REDIC1: variants seen among roughly 807,000 people sequenced by gnomAD.
The protein encoded by REDIC1 is regulator of DNA class I crossover intermediates 1, also known as HEI10 Interacting Protein 1.
the REDIC1 span, chr12:39,720,717 C>A: frequency 7.9e-6 from 9 of 1,140,166 alleles, no homozygotes; most frequent in South Asian, 1.4e-5. Context: ...AGAATATATT[C>A]TTTGAAGTGA....
the REDIC1 span, among the ~76,000 whole-genome samples, chr12:39,659,764 C>T: frequency 6.6e-6 from 1 of 152,024 alleles, no homozygotes; most frequent in African/African-American, 2.4e-5. Flanking sequence ...GATTTTGCTT[C>T]TCATTATAGA....
chr12:39,658,995 T>G, the REDIC1 span, among the ~76,000 whole-genome samples: 1 of 152,050 alleles, frequency 6.6e-6, no homozygotes, highest in Non-Finnish European at 1.5e-5. Context: ...TTTTTAGTGG[T>G]CTTCATTATT....
the REDIC1 span, among the ~76,000 whole-genome samples, chr12:39,703,849 G>A: frequency 9.2e-5 from 14 of 152,248 alleles, no homozygotes; most frequent in African/African-American, 3.1e-4. Context: ...TTAATAAATG[G>A]TGCTGGGAAA....
the REDIC1 span, among the ~76,000 whole-genome samples, chr12:39,714,692 G>T: frequency 6.6e-6 from 1 of 151,908 alleles, no homozygotes; most frequent in East Asian, 1.9e-4. Flanking sequence ...CAATGTAGAA[G>T]TGTTCCCTGT....
At chr12:39,639,457 C>T in the REDIC1 span, among the ~76,000 whole-genome samples, 72 of 151,990 alleles carry the variant, frequency 4.7e-4, no homozygotes, top group African/African-American at 1.5e-3. Flanking sequence ...GTAGCAAAGT[C>T]AGGGGTATTC....
the REDIC1 span, among the ~76,000 whole-genome samples, chr12:39,810,977 T>C: frequency 6.6e-6 from 1 of 152,138 alleles, no homozygotes; most frequent in Non-Finnish European, 1.5e-5. Context: ...TCTGCCCTTT[T>C]CTGAAAGAGT....
At chr12:39,735,520 C>A in the REDIC1 span, among the ~76,000 whole-genome samples, 1 of 152,152 alleles carries the variant, frequency 6.6e-6, no homozygotes, top group African/African-American at 2.4e-5. Flanking sequence ...ACAGAAAGAA[C>A]TTTAATATAT....
chr12:39,811,578 G>A, the REDIC1 span, among the ~76,000 whole-genome samples: 7 of 151,986 alleles, frequency 4.6e-5, no homozygotes, highest in African/African-American at 1.4e-4. Flanking sequence ...GGGTTATTTA[G>A]AAATGTATTG....
the REDIC1 span, among the ~76,000 whole-genome samples, chr12:39,859,781 C>T: frequency 6.6e-6 from 1 of 152,156 alleles, no homozygotes; most frequent in Non-Finnish European, 1.5e-5. Flanking sequence ...CTGACTTGGC[C>T]TCCCAAAGTG....
At chr12:39,655,524 TC>T in the REDIC1 span, among the ~76,000 whole-genome samples, 2 of 152,282 alleles carry the variant, frequency 1.3e-5, no homozygotes, top group South Asian at 4.2e-4. Context: ...CTAGATGACC[TC>T]AGGTCTGGGA....
At chr12:39,900,223 C>T in the REDIC1 span, among the ~76,000 whole-genome samples, 1 of 152,148 alleles carries the variant, frequency 6.6e-6, no homozygotes, top group Non-Finnish European at 1.5e-5. Context: ...GACAACCCCA[C>T]AGCCAATATC....
the REDIC1 span, among the ~76,000 whole-genome samples, chr12:39,687,344 G>A: frequency 8.5e-5 from 13 of 152,258 alleles, no homozygotes; most frequent in African/African-American, 2.9e-4. Context: ...ATTGGCTCAC[G>A]GTTTCACATG....
At chr12:39,860,809 T>C in the REDIC1 span, among the ~76,000 whole-genome samples, 16 of 152,138 alleles carry the variant, frequency 1.1e-4, no homozygotes, top group African/African-American at 2.4e-5. Flanking sequence ...CAGGCAACTG[T>C]CATCTCTCTC....
At chr12:39,742,140 T>G in the REDIC1 span, among the ~76,000 whole-genome samples, 1 of 152,118 alleles carries the variant, frequency 6.6e-6, no homozygotes, top group African/African-American at 2.4e-5. Flanking sequence ...TGGGGTTCAC[T>G]TGGTTAAGAG....
the REDIC1 span, among the ~76,000 whole-genome samples, chr12:39,802,722 TATAAAGATACAGAG>T: frequency 6.6e-6 from 1 of 152,146 alleles, no homozygotes; most frequent in Admixed American, 6.6e-5. Context: ...TATATATAGA[TATAAAGATACAGAG>T]ATAAAGATAG....
At chr12:39,895,908 ATATG>A in the REDIC1 span, among the ~76,000 whole-genome samples, 2 of 150,086 alleles carry the variant, frequency 1.3e-5, 1 homozygote, top group South Asian at 4.2e-4. Context: ...ACACATATGT[ATATG>A]TATGCATATA....
chr12:39,685,800 A>G, the REDIC1 span, among the ~76,000 whole-genome samples: 3 of 152,254 alleles, frequency 2.0e-5, no homozygotes, highest in Non-Finnish European at 2.9e-5. Flanking sequence ...AATCAAAAAT[A>G]AGGTAGTTAC....
At chr12:39,881,177 G>A in the REDIC1 span, among the ~76,000 whole-genome samples, 1 of 152,216 alleles carries the variant, frequency 6.6e-6, no homozygotes, top group Admixed American at 6.5e-5. Context: ...TTTAAAAGTT[G>A]TGTGGGTAAC....
chr12:39,779,071 C>G, the REDIC1 span, among the ~76,000 whole-genome samples: 1 of 152,168 alleles, frequency 6.6e-6, no homozygotes, highest in African/African-American at 2.4e-5. Flanking sequence ...GAAGAGTCAT[C>G]CCTACAGCTG....
Sources: allele counts gnomAD v4.1 joint callset (sites outside exome capture counted in the v4.1 genomes callset), GRCh38; gene constraint gnomAD v4.1.1; transcripts MANE v1.5; gene names NCBI Gene and HGNC (gene_info 2026-07-23, HGNC 2026-07-21).